Variants in ACTR3C observed in about 807,000 individuals in gnomAD.
ACTR3C encodes actin related protein 3C.
A neutral mutation model predicts 26.3 loss-of-function variants in ACTR3C; 18 were observed. The observed-to-expected ratio is 0.68, with a 90% CI of 0.47 to 1.01. The LOEUF (loss-of-function observed/expected upper bound fraction) is 1.01, where lower values mean the gene tolerates loss of function less well. Ranked by LOEUF, ACTR3C falls within the 50% of genes least tolerant of loss-of-function variation. The probability of loss-of-function intolerance (pLI) is 0.00; values close to 1 mark genes in which losing one functional copy is unlikely to be tolerated. For missense variants in ACTR3C, 184 were observed against 250.7 expected (o/e 0.73, Z 1.80); for synonymous variants, 55 against 94.5 (o/e 0.58, Z 2.42).
At chr7:149,889,803 G>A in the ACTR3C span, among the ~76,000 whole-genome samples, 43 of 152,310 alleles carry the variant, frequency 2.8e-4, no homozygotes, top group Admixed American at 4.6e-4. Context: ...GCTGCAGTGA[G>A]CTAGGATTGT....
chr7:150,214,828 G>T, the ACTR3C span, among the ~76,000 whole-genome samples: 1 of 151,674 alleles, frequency 6.6e-6, no homozygotes, highest in African/African-American at 2.4e-5. Context: ...AGGGAACTAT[G>T]AATCAAATGA....
the ACTR3C span, among the ~76,000 whole-genome samples, chr7:149,896,520 T>C: frequency 6.6e-6 from 1 of 152,058 alleles, no homozygotes; most frequent in African/African-American, 2.4e-5. Flanking sequence ...AATTTGTGAC[T>C]GGCGGAACTG....
chr7:150,180,213 G>A, the ACTR3C span, among the ~76,000 whole-genome samples: 1 of 150,122 alleles, frequency 6.7e-6, no homozygotes, highest in South Asian at 2.1e-4. Flanking sequence ...GCTGAGGCGG[G>A]AGAATGGCGT....
the ACTR3C span, chr7:150,004,615 G>A: frequency 6.6e-6 from 1 of 151,762 alleles, no homozygotes; most frequent in Non-Finnish European, 1.5e-5. Context: ...GCAACCTACG[G>A]TGGGAAAACC....
chr7:150,204,718 T>C, the ACTR3C span, among the ~76,000 whole-genome samples: 10 of 145,502 alleles, frequency 6.9e-5, no homozygotes, highest in South Asian at 1.8e-3. Context: ...CCAGGGAGGA[T>C]TGACGAGTGC....
At chr7:149,931,189 C>T in the ACTR3C span, among the ~76,000 whole-genome samples, 1 of 152,234 alleles carries the variant, frequency 6.6e-6, no homozygotes, top group African/African-American at 2.4e-5. Context: ...TCTAAACGTA[C>T]ATACTGTGCT....
chr7:150,024,010 T>TC, the ACTR3C span, among the ~76,000 whole-genome samples: 5 of 149,038 alleles, frequency 3.4e-5, no homozygotes, highest in South Asian at 4.4e-4. Context: ...GACCAGGAGT[T>TC]CCCCCACTAA....
chr7:149,938,504 T>G, the ACTR3C span, among the ~76,000 whole-genome samples: 79 of 152,060 alleles, frequency 5.2e-4, no homozygotes, highest in African/African-American at 1.8e-3. Flanking sequence ...GGTAGCCAAA[T>G]TTACAGCCAA....
At chr7:150,037,985 GT>G in the ACTR3C span, among the ~76,000 whole-genome samples, 2 of 139,502 alleles carry the variant, frequency 1.4e-5, 1 homozygote, top group Non-Finnish European at 3.2e-5. Flanking sequence ...GAGGTTCGCA[GT>G]CCCCGCCTCG....
At chr7:150,195,456 G>T in the ACTR3C span, among the ~76,000 whole-genome samples, 1 of 151,878 alleles carries the variant, frequency 6.6e-6, no homozygotes, top group South Asian at 2.1e-4. Flanking sequence ...TGCTATGTAG[G>T]TCTATTGGCA....
chr7:149,957,979 G>A, the ACTR3C span, among the ~76,000 whole-genome samples: 1 of 152,152 alleles, frequency 6.6e-6, no homozygotes, highest in Non-Finnish European at 1.5e-5. Flanking sequence ...TCCAGCAACC[G>A]ACATGTTTCC....
chr7:149,892,382 C>T, the ACTR3C span: 13 of 1,549,540 alleles, frequency 8.4e-6, no homozygotes, highest in African/African-American at 1.6e-4. Context: ...CCTTTGCTGA[C>T]TCTCTGATGG....
chr7:150,017,516 G>A, the ACTR3C span, among the ~76,000 whole-genome samples: 16 of 150,288 alleles, frequency 1.1e-4, no homozygotes, highest in East Asian at 2.5e-3. Context: ...AATAGGTAGC[G>A]CAGGTGGGCC....
At chr7:150,286,611 C>T (rs1005138664) in intron 4 of ACTR3C, 71 bp from the exon 5 acceptor site, 1 of 1,578,788 alleles carries the variant, frequency 6.3e-7, no homozygotes, top group East Asian at 2.2e-5. Flanking sequence ...GACAAATAAC[C>T]AGGAAGCCCA....
chr7:150,068,614 T>C, the ACTR3C span, among the ~76,000 whole-genome samples: 1 of 88,054 alleles, frequency 1.1e-5, no homozygotes, highest in Non-Finnish European at 2.7e-5. Context: ...CCGTCTCTAC[T>C]AAAAATACAA....
chr7:149,900,249 C>T, the ACTR3C span, among the ~76,000 whole-genome samples: 12 of 152,124 alleles, frequency 7.9e-5, no homozygotes, highest in East Asian at 1.9e-3. Flanking sequence ...GATCTCAGCT[C>T]ACTGCAACCT....
chr7:149,996,582 A>AAAATTAAAT, the ACTR3C span, among the ~76,000 whole-genome samples: 3 of 148,908 alleles, frequency 2.0e-5, no homozygotes, highest in Non-Finnish European at 4.5e-5. Context: ...TTCTGGTAAA[A>AAAATTAAAT]AAATAAATAA....
At chr7:149,893,055 AATC>A in the ACTR3C span, among the ~76,000 whole-genome samples, 1 of 152,220 alleles carries the variant, frequency 6.6e-6, no homozygotes, top group Non-Finnish European at 1.5e-5. Flanking sequence ...AGCAGTAAAT[AATC>A]ATATCAAACT....
chr7:150,206,877 T>A, the ACTR3C span, among the ~76,000 whole-genome samples: 1,779 of 152,302 alleles, frequency 0.012, 43 homozygotes, highest in African/African-American at 0.04. Flanking sequence ...ATATTAAAAG[T>A]TGCTTTATTG....
Sources: gnomAD v4.1 joint callset for allele counts (sites outside exome capture counted in the v4.1 genomes callset) on GRCh38, gnomAD v4.1.1 for gene constraint, MANE v1.5 for transcripts, NCBI Gene and HGNC (gene_info 2026-07-23, HGNC 2026-07-21) for gene names.